The following ROR2 variants were observed in gnomAD, a reference collection of about 807,000 sequenced individuals.
ROR2 encodes the protein ROR family WNT receptor 2.
Under a neutral mutation model 74.9 loss-of-function variants are expected in ROR2, and 33 were observed. The observed-to-expected ratio is 0.44, with a 90% confidence interval of 0.33 to 0.59. The LOEUF (loss-of-function observed/expected upper bound fraction) is 0.59. Among genes scored for constraint, ROR2 ranks in the 20% least tolerant of loss-of-function variants. The pLI is 0.02. For missense variants in ROR2, 1,216 were observed against 1,313.8 expected (o/e 0.93, Z 1.15); for synonymous variants, 586 against 558.7 (o/e 1.05, Z -0.69).
chr9:91,754,781 T>A (rs997223835), intron 4 of ROR2, among the ~76,000 whole-genome samples: 2 of 152,266 alleles, frequency 1.3e-5, no homozygotes, highest in Non-Finnish European at 2.9e-5. Context: ...CAATTTCTTC[T>A]TTCCTTACTC....
intron 1 of ROR2, among the ~76,000 whole-genome samples, chr9:91,806,653 G>A (rs564412719): frequency 9.2e-5 from 14 of 152,228 alleles, no homozygotes; most frequent in Admixed American, 2.6e-4. Flanking sequence ...GCAGTGGCAC[G>A]ATCTCAGCTT....
intron 1 of ROR2, among the ~76,000 whole-genome samples, chr9:91,842,744 T>TC (rs1208381881): frequency 7.2e-5 from 11 of 152,158 alleles, no homozygotes; most frequent in Admixed American, 7.2e-4. Flanking sequence ...GCCACCCCCC[T>TC]CCTCCTTTCC....
chr9:91,781,085 T>A (rs1315624759), intron 1 of ROR2, among the ~76,000 whole-genome samples: 2 of 152,246 alleles, frequency 1.3e-5, no homozygotes, highest in Non-Finnish European at 2.9e-5. Context: ...GTCTTCAGGA[T>A]GTTCAGACAA....
chr9:91,945,931 C>T (rs1008453488), intron 1 of ROR2, among the ~76,000 whole-genome samples: 1 of 152,188 alleles, frequency 6.6e-6, no homozygotes, highest in African/African-American at 2.4e-5. Context: ...CTACAAAACC[C>T]CGGCCAGTTG....
At chr9:91,770,687 G>C (rs1587703380) in intron 2 of ROR2, among the ~76,000 whole-genome samples, 1 of 152,346 alleles carries the variant, frequency 6.6e-6, no homozygotes, top group Non-Finnish European at 1.5e-5. Flanking sequence ...TAGCAGAGTT[G>C]CATGGCACAT....
At chr9:91,936,626 A>G (rs1831697280) in intron 1 of ROR2, among the ~76,000 whole-genome samples, 1 of 152,228 alleles carries the variant, frequency 6.6e-6, no homozygotes. Flanking sequence ...TTCTCTGTTA[A>G]AAAGTCAGTA....
intron 1 of ROR2, among the ~76,000 whole-genome samples, chr9:91,846,769 G>A (rs891566553): frequency 8.6e-5 from 13 of 152,008 alleles, no homozygotes; most frequent in Admixed American, 5.9e-4. Context: ...AACCTTGTTT[G>A]AACTCCAGAG....
chr9:91,828,293 T>C (rs1231559926), intron 1 of ROR2, among the ~76,000 whole-genome samples: 1 of 152,244 alleles, frequency 6.6e-6, no homozygotes, highest in Non-Finnish European at 1.5e-5. Context: ...AATGGAATGT[T>C]TCCCCTGTAC....
chr9:91,753,262 C>G (rs1825644640), intron 4 of ROR2, among the ~76,000 whole-genome samples: 1 of 152,064 alleles, frequency 6.6e-6, no homozygotes, highest in Non-Finnish European at 1.5e-5. Context: ...CATTAAGAAA[C>G]AATGTAAAGG....
At chr9:91,919,995 T>A (rs534885380) in intron 1 of ROR2, among the ~76,000 whole-genome samples, 2 of 152,276 alleles carry the variant, frequency 1.3e-5, no homozygotes, top group East Asian at 3.9e-4. Context: ...CCCACCAGGC[T>A]CCCTTGACCC....
chr9:91,923,865 T>C (rs1054558580), intron 1 of ROR2: 7 of 152,340 alleles, frequency 4.6e-5, no homozygotes, highest in African/African-American at 1.7e-4. Flanking sequence ...GTCCCAGAGA[T>C]GGAGGAATGC....
chr9:91,802,064 G>A (rs919411824), intron 1 of ROR2, among the ~76,000 whole-genome samples: 25 of 146,442 alleles, frequency 1.7e-4, no homozygotes, highest in African/African-American at 6.2e-4. Context: ...TAATTTGGAA[G>A]GTGTTTTTTT....
intron 1 of ROR2, among the ~76,000 whole-genome samples, chr9:91,809,671 G>A (rs192296882): frequency 5.3e-5 from 8 of 152,366 alleles, no homozygotes; most frequent in Admixed American, 2.0e-4. Flanking sequence ...TCACAGACAT[G>A]CAGCAACATC....
chr9:91,726,966 C>T (rs1440282468), intron 7 of ROR2, among the ~76,000 whole-genome samples: 1 of 152,140 alleles, frequency 6.6e-6, no homozygotes, highest in African/African-American at 2.4e-5. Context: ...CAAAACTGCC[C>T]AACCTGGAAA....
intron 1 of ROR2, among the ~76,000 whole-genome samples, chr9:91,786,346 A>ATAAG (rs1458427315): frequency 2.1e-5 from 2 of 95,090 alleles, no homozygotes; most frequent in Admixed American, 1.5e-4. Context: ...CAATCAATCA[A>ATAAG]TCAATAAGTA....
At chr9:91,811,327 G>A (rs999147080) in intron 1 of ROR2, among the ~76,000 whole-genome samples, 9 of 152,242 alleles carry the variant, frequency 5.9e-5, no homozygotes, top group Non-Finnish European at 1.0e-4. Flanking sequence ...ACATCCTTTT[G>A]TGTGGCCGGG....
intron 1 of ROR2, among the ~76,000 whole-genome samples, chr9:91,924,755 C>T (rs2117890803): frequency 6.6e-6 from 1 of 152,030 alleles, no homozygotes; most frequent in Admixed American, 6.5e-5. Context: ...ATCACGCCAG[C>T]CTGGGCGACA....
rs1412032591 is a variant in ROR2 at position 91,723,441 on chromosome 9, T to G, written c.*221A>C. On this transcript the variant is annotated 3_prime_UTR_variant, in exon 9 of 9. Coordinates refer to ENST00000375708, the MANE Select transcript of ROR2 (RefSeq NM_004560.4). ...ATGTGTCCTGCTCCCCAGGACGCCG[T>G]GCTGCCAGACCCCCTGCCTGGCTTG... is the stretch of plus-strand genomic sequence containing the variant. 1 of 637,012 alleles carries G rather than the reference T, an allele frequency of 1.6e-6. No homozygotes were observed. The highest frequency in any genetic ancestry group is 1.8e-5 in the African/African-American group (1 of 54,574). 39.5% of individuals were successfully genotyped at this position (637,012 alleles called of 1,614,324 possible).
chr9:91,889,227 C>G (rs187594582), intron 1 of ROR2, among the ~76,000 whole-genome samples: 17 of 152,148 alleles, frequency 1.1e-4, no homozygotes, highest in African/African-American at 3.9e-4. Context: ...CTGAAGCTGC[C>G]GAGTGTGGGA....
Sources: allele counts gnomAD v4.1 joint callset (sites outside exome capture counted in the v4.1 genomes callset), GRCh38; gene constraint gnomAD v4.1.1; transcripts MANE v1.5; gene names NCBI Gene and HGNC (gene_info 2026-07-23, HGNC 2026-07-21).